The following CDH23 variants were observed in gnomAD, a reference collection of about 807,000 sequenced individuals.
CDH23 encodes the protein cadherin-23.
In CDH23, 189 loss-of-function variants were observed where a neutral mutation model predicts 317.1. The ratio of observed to expected loss-of-function variants is 0.60; its 90% CI spans 0.53 to 0.67. The LOEUF is 0.67. Among genes scored for constraint, CDH23 ranks in the 30% least tolerant of loss-of-function variants. CDH23 has a pLI of 0.00. For synonymous variants in CDH23, 1,839 were observed against 1,876.8 expected (o/e 0.98, Z 0.52); for missense variants, 4,401 against 4,592.4 (o/e 0.96, Z 1.20).
At chr10:71,513,288 C>T (rs147409967) in intron 6 of CDH23, among the ~76,000 whole-genome samples, 1 of 152,124 alleles carries the variant, frequency 6.6e-6, no homozygotes, top group African/African-American at 2.4e-5. Context: ...ATCTGAGGTA[C>T]CTTGACATTG....
intron 62 of CDH23, among the ~76,000 whole-genome samples, chr10:71,810,838 T>C (rs1368511240): frequency 6.6e-6 from 1 of 152,050 alleles, no homozygotes; most frequent in Non-Finnish European, 1.5e-5. Context: ...CCCAGCACTT[T>C]GGGAGGCCAA....
chr10:71,546,285 A>G (rs888688609), intron 6 of CDH23, among the ~76,000 whole-genome samples: 5 of 152,128 alleles, frequency 3.3e-5, no homozygotes, highest in African/African-American at 7.2e-5. Context: ...GCTTGTGGAG[A>G]CATTCGTAAA....
intron 47 of CDH23, 97 bp downstream of exon 47, chr10:71,791,432 T>A: frequency 9.4e-7 from 1 of 1,065,214 alleles, no homozygotes. Context: ...TTGCCTCCAG[T>A]GGGGAGAAAG....
chr10:71,501,511 G>A (rs1004683201), intron 3 of CDH23, among the ~76,000 whole-genome samples: 1 of 152,170 alleles, frequency 6.6e-6, no homozygotes, highest in Non-Finnish European at 1.5e-5. Context: ...GGAGAGAACC[G>A]GCCAGTGTCA....
chr10:71,515,357 T>TTCTCTCTCTC (rs3059687), intron 6 of CDH23, among the ~76,000 whole-genome samples: 33 of 126,262 alleles, frequency 2.6e-4, no homozygotes, highest in East Asian at 9.7e-4. Flanking sequence ...ACCTGTCTGT[T>TTCTCTCTCTC]TCTCTCTCTC....
At chr10:71,521,312 A>C (rs1324798975) in intron 6 of CDH23, among the ~76,000 whole-genome samples, 1 of 151,850 alleles carries the variant, frequency 6.6e-6, no homozygotes, top group Non-Finnish European at 1.5e-5. Flanking sequence ...CCCCTCTCCC[A>C]ATCCTGCTCC....
rs746954384 is a variant in CDH23, at chr10:71,679,505, C to T, written c.1858+13C>T. The T allele has an allele frequency of 1.3e-6, 2 of 1,590,820 alleles. No homozygotes were observed. The highest frequency in any genetic ancestry group is 2.3e-5 in the South Asian group (2 of 88,510). ...GAGGGCTATGGAGGTAGGTGTGGGGCAGAACTCGGGGCCCAGCCAGGAGGA... is the reference window on the plus strand; with the variant it reads ...GAGGGCTATGGAGGTAGGTGTGGGGTAGAACTCGGGGCCCAGCCAGGAGGA... On this transcript the variant is annotated intron_variant, in intron 17 of 69. Coordinates refer to ENST00000224721, the MANE Select transcript of CDH23 (RefSeq NM_022124.6).
At chr10:71,527,973 C>T (rs1312731107) in intron 6 of CDH23, among the ~76,000 whole-genome samples, 2 of 152,082 alleles carry the variant, frequency 1.3e-5, no homozygotes, top group Non-Finnish European at 2.9e-5. Context: ...GGGGGCCTCT[C>T]ATCTCATCTC....
At position 71,731,356 on chromosome 10, in the gene CDH23, G is replaced by C. The variant is rs1813271816; in HGVS notation, c.3716-631G>C. Among the ~76,000 whole-genome samples, 5 of 152,350 alleles carry C rather than the reference G, an allele frequency of 3.3e-5. No individual in the cohort carries two copies. In the South Asian group the frequency reaches 1.0e-3, roughly 32 times the overall value. On this transcript the variant is annotated intron_variant, in intron 31 of 69. Transcript: ENST00000224721. ...AGATTATCTGTGGCATGCATGGGAT[G>C]GGGTGGAGGGAGGAATGGCTGCAAA...
At chr10:71,667,159 T>G (rs1238804877) in intron 14 of CDH23, among the ~76,000 whole-genome samples, 3 of 152,284 alleles carry the variant, frequency 2.0e-5, no homozygotes, top group Admixed American at 6.5e-5. Context: ...AGAAGCCCCG[T>G]GCGGGGCATT....
At chr10:71,812,147 C>G in intron 66 of CDH23, 132 bp downstream of exon 66, 1 of 1,592,978 alleles carries the variant, frequency 6.3e-7, no homozygotes, top group South Asian at 1.1e-5. Flanking sequence ...GGGCGGGCCA[C>G]CCTCCCTTCA....
At chr10:71,475,256 A>G (rs1368917553) in intron 3 of CDH23, among the ~76,000 whole-genome samples, 3 of 152,178 alleles carry the variant, frequency 2.0e-5, no homozygotes, top group South Asian at 4.1e-4. Context: ...GCTGCCCAGG[A>G]GCGTCCCTGA....
chr10:71,403,406 TC>T (rs1452599210), intron 1 of CDH23, among the ~76,000 whole-genome samples: 3 of 84,646 alleles, frequency 3.5e-5, no homozygotes, highest in African/African-American at 2.2e-4. Flanking sequence ...TTTCTTTCTT[TC>T]TCTTCCTTCC....
rs550679919 is a variant in CDH23 at position 71,550,551 on chromosome 10, C to T, written c.430-16191C>T. On this transcript the variant is annotated intron_variant, in intron 6 of 69. Coordinates refer to ENST00000224721, the MANE Select transcript of CDH23 (RefSeq NM_022124.6). The stretch of plus-strand genomic sequence containing the variant: ...CTTTACCCTGGGCAACAGAGTGAGA[C>T]CCTGTCTCAAAAAAAAAAAAAAAAA... Among the ~76,000 whole-genome samples, 10 of 120,040 alleles carry T rather than the reference C, an allele frequency of 8.3e-5. No individual in the cohort carries two copies. The South Asian group carries it at 3.1e-3, about 37-fold the overall frequency. 78.8% of individuals were successfully genotyped at this position (120,040 alleles called of 152,430 possible). A position where few individuals can be genotyped will look rare whatever the true frequency, so the allele number is the denominator to read the frequency against.
At position 71,785,645 on chromosome 10, in the gene CDH23, T is replaced by G. The variant is rs756919394; in HGVS notation, c.5727T>G (p.Thr1909=). 6.9e-6 allele frequency: 11 copies of G among 1,600,436 alleles called. No individual in the cohort carries two copies. In the African/African-American group the frequency reaches 9.4e-5, roughly 14 times the overall value. ...CCACATCCCAGACAGGGATCGTCAC[T>G]GTGAACCGGCCCCTGGACCGCGAGC... is the stretch of plus-strand genomic sequence containing the variant. ...FFINATTGIV[T]VNRPLDRERI... Residue 1909 remains threonine (T), a synonymous_variant, in exon 44 of 70, where the codon ACT becomes ACG. Coordinates refer to ENST00000224721, the MANE Select transcript of CDH23 (RefSeq NM_022124.6).
chr10:71,798,421 C>T lies in CDH23; in HGVS notation c.6897C>T (p.Thr2299=). The change falls in exon 50 of 70, where the codon ACC becomes ACT. Residue 2299 remains threonine (T), a synonymous_variant. Transcript: ENST00000224721. ...CCCAGTTCAAGCCCTTTGGGATCAC[C>T]TACTACATGGAGCGGATCCTGGAGG... ...NTPQFKPFGI[T]YYMERILEGA... 2 of 1,613,990 alleles carry T rather than the reference C, an allele frequency of 1.2e-6. No homozygotes were observed. Among genetic ancestry groups the T allele is most frequent in the South Asian group, 1.1e-5 (1 of 91,080 alleles).
chr10:71,753,107 A>G, intron 38 of CDH23: 1 of 1,378,520 alleles, frequency 7.3e-7, no homozygotes, highest in Non-Finnish European at 1.0e-6. Flanking sequence ...GAGCGAGCCC[A>G]GGAGGGCCCT....
chr10:71,678,838 G>A (rs1436155891), intron 16 of CDH23, among the ~76,000 whole-genome samples: 1 of 152,216 alleles, frequency 6.6e-6, no homozygotes, highest in Non-Finnish European at 1.5e-5. Context: ...GACACCCACT[G>A]TGGCCAAATA....
At chr10:71,786,424 C>T (rs796734148) in intron 44 of CDH23, among the ~76,000 whole-genome samples, 9 of 151,826 alleles carry the variant, frequency 5.9e-5, no homozygotes, top group African/African-American at 1.9e-4. Context: ...CCAGAGGAGA[C>T]GTCAGGCTGG....
Sources: gnomAD v4.1 joint callset for allele counts (sites outside exome capture counted in the v4.1 genomes callset) on GRCh38, gnomAD v4.1.1 for gene constraint, MANE v1.5 for transcripts, NCBI Gene and HGNC (gene_info 2026-07-23, HGNC 2026-07-21) for gene names.